The following MCTP1 variants were observed in gnomAD, a reference collection of about 807,000 sequenced individuals.
The protein encoded by MCTP1 is multiple C2 and transmembrane domain-containing protein 1.
MCTP1 carries 69 observed loss-of-function variants against 120.6 expected under a neutral mutation model. The ratio of observed to expected loss-of-function variants is 0.57; its 90% CI spans 0.47 to 0.70. The LOEUF (loss-of-function observed/expected upper bound fraction) is 0.70, where lower values mean the gene tolerates loss of function less well. MCTP1 is among the 30% of genes least tolerant of loss of function. The probability of loss-of-function intolerance (pLI) is 0.00; values close to 1 mark genes in which losing one functional copy is unlikely to be tolerated. For missense variants in MCTP1, 1,203 were observed against 1,248.8 expected (o/e 0.96, Z 0.55); for synonymous variants, 529 against 493.1 (o/e 1.07, Z -0.96).
chr5:95,182,452 G>T (rs1463575678), intron 1 of MCTP1, among the ~76,000 whole-genome samples: 1 of 152,100 alleles, frequency 6.6e-6, no homozygotes, highest in Non-Finnish European at 1.5e-5. Context: ...AATTTTGAAT[G>T]TTTCTAATGT....
intron 13 of MCTP1, among the ~76,000 whole-genome samples, chr5:94,871,645 T>C (rs950197476): frequency 6.6e-6 from 1 of 152,126 alleles, no homozygotes; most frequent in East Asian, 1.9e-4. Context: ...CACCTTGTAA[T>C]TTCAAGTTAT....
chr5:95,042,874 T>C (rs540701308), intron 1 of MCTP1, among the ~76,000 whole-genome samples: 3 of 152,336 alleles, frequency 2.0e-5, no homozygotes, highest in Admixed American at 2.0e-4. Context: ...CCATAATTTA[T>C]TTAATCTGAT....
rs550520718 is a variant in MCTP1, at chr5:95,210,193, A to G, written c.720+73663T>C. Among the ~76,000 whole-genome samples the G allele has an allele frequency of 9.4e-3, 1,427 of 152,188 alleles. 7 individuals carry two copies. The highest frequency in any genetic ancestry group is 0.013 in the Non-Finnish European group (851 of 68,014). On this transcript the variant is annotated intron_variant, in intron 1 of 22. Transcript: ENST00000515393. ...AGTTCTGTAGATGTCTATTAGGTCC[A>G]CTTGGTGCAGAGCTGAGTAAAATTC...
At chr5:95,008,278 A>T (rs1343108438) in intron 2 of MCTP1, among the ~76,000 whole-genome samples, 1 of 152,152 alleles carries the variant, frequency 6.6e-6, no homozygotes, top group Non-Finnish European at 1.5e-5. Context: ...AGACATGCCT[A>T]TTCTTCCCCT....
At position 95,174,145 on chromosome 5, in the gene MCTP1, T is replaced by G. The variant is rs148349768; in HGVS notation, c.720+109711A>C. On this transcript the variant is annotated intron_variant, in intron 1 of 22. Transcript: ENST00000515393. ...ACAATGCCTTGCTAGGGGAGGGGCA[T>G]GATAACTATTTGTTGAATGAATAAA... Among the ~76,000 whole-genome samples, 205 of 152,166 alleles carry G rather than the reference T, an allele frequency of 1.3e-3. 3 individuals carry two copies. In the East Asian group the frequency reaches 0.026, roughly 19 times the overall value.
chr5:94,991,719 CA>C (rs11362950), intron 2 of MCTP1, among the ~76,000 whole-genome samples: 125,783 of 151,442 alleles, frequency 0.83, 52,338 homozygotes, highest in Admixed American at 0.88. Flanking sequence ...ACTAAAAATA[CA>C]AAAAAAATTA....
intron 17 of MCTP1, among the ~76,000 whole-genome samples, chr5:94,850,191 A>G (rs1793369529): frequency 6.6e-6 from 1 of 152,192 alleles, no homozygotes; most frequent in Non-Finnish European, 1.5e-5. Flanking sequence ...CATGATTTTC[A>G]AGATTCCAGG....
intron 2 of MCTP1, among the ~76,000 whole-genome samples, chr5:94,990,755 T>G (rs2153614639): frequency 6.6e-6 from 1 of 152,332 alleles, no homozygotes; most frequent in Admixed American, 6.5e-5. Context: ...TTTAGAATTC[T>G]TATTCCACAA....
intron 19 of MCTP1, among the ~76,000 whole-genome samples, chr5:94,746,682 C>A (rs1766974973): frequency 6.6e-6 from 1 of 152,154 alleles, no homozygotes; most frequent in South Asian, 2.1e-4. Flanking sequence ...GTTTCTTTGT[C>A]TTCTCATGCA....
intron 1 of MCTP1, among the ~76,000 whole-genome samples, chr5:95,138,368 A>G (rs1362962558): frequency 1.3e-5 from 2 of 152,224 alleles, no homozygotes; most frequent in African/African-American, 4.8e-5. Context: ...GTGGAGCTGA[A>G]TAAGAACACA....
At chr5:95,064,312 C>A (rs1358173950) in intron 1 of MCTP1, among the ~76,000 whole-genome samples, 1 of 152,182 alleles carries the variant, frequency 6.6e-6, no homozygotes, top group Non-Finnish European at 1.5e-5. Flanking sequence ...ATCCAGAAAT[C>A]CGTGGAGACT....
intron 9 of MCTP1, among the ~76,000 whole-genome samples, 180 bp downstream of exon 9, chr5:94,912,626 T>G (rs1320674995): frequency 1.3e-5 from 2 of 151,954 alleles, no homozygotes; most frequent in Non-Finnish European, 2.9e-5. Context: ...TTATGGGAGG[T>G]CACCTAGTAC....
Position 94,870,452 on chromosome 5 carries a change from T to C in MCTP1, c.2281A>G (p.Lys761Glu). The C allele has an allele frequency of 6.2e-7, 1 of 1,612,374 alleles. No homozygotes were observed. The change falls in exon 16 of 23, where the codon AAG becomes GAG. Residue 761 changes from lysine (K) to glutamate (E), a missense_variant. Physicochemically the swap from Lys to Glu is moderately conservative, Grantham distance 56. Transcript: ENST00000515393. ...SLRTLIPKEQKYIEEENRLSK... is the reference protein window; with the variant it reads ...SLRTLIPKEQEYIEEENRLSK... ...AGTCTGTTTTCCTCTTCAATGTACT[T>C]CTGTTCTTTGGGTATTAATGTTCGT...
rs193198097 is a variant in MCTP1, at chr5:95,020,931, T to C, written c.721-3447A>G. Among the ~76,000 whole-genome samples, 6 of 152,206 alleles carry C rather than the reference T, an allele frequency of 3.9e-5. 1 individual carries two copies. The highest frequency in any genetic ancestry group is 7.2e-5 in the African/African-American group (3 of 41,572). On this transcript the variant is annotated intron_variant, in intron 1 of 22. Transcript: ENST00000515393. ...GATCTGCTTACTTCTGTGTCAATACTATACCATGTGATTACAATGACTTTA... is the reference window on the plus strand; with the variant it reads ...GATCTGCTTACTTCTGTGTCAATACCATACCATGTGATTACAATGACTTTA...
intron 10 of MCTP1, among the ~76,000 whole-genome samples, chr5:94,902,889 C>T (rs1805875414): frequency 6.6e-6 from 1 of 152,180 alleles, no homozygotes; most frequent in African/African-American, 2.4e-5. Context: ...AGGTAAACTA[C>T]ACACTATACA....
At chr5:95,139,524 T>C (rs1424710384) in intron 1 of MCTP1, among the ~76,000 whole-genome samples, 1 of 152,216 alleles carries the variant, frequency 6.6e-6, no homozygotes, top group African/African-American at 2.4e-5. Flanking sequence ...CCCCTTTTTT[T>C]CCAAAGCTAT....
chr5:95,267,281 A>G (rs1444580412), intron 1 of MCTP1, among the ~76,000 whole-genome samples: 2 of 152,230 alleles, frequency 1.3e-5, no homozygotes, highest in African/African-American at 2.4e-5. Flanking sequence ...AACTTCAGGA[A>G]AGAAGTTTAA....
chr5:94,962,110 C>G (rs145881777), intron 2 of MCTP1, among the ~76,000 whole-genome samples: 1 of 150,544 alleles, frequency 6.6e-6, no homozygotes. Context: ...CTTACTCCTG[C>G]GCAAATGGCT....
rs1773464152 is a variant in MCTP1 at position 94,769,031 on chromosome 5, G to A, written c.2610+10079C>T. On this transcript the variant is annotated intron_variant, in intron 19 of 22. Transcript: ENST00000515393. The stretch of plus-strand genomic sequence containing the variant: ...TGAATAAAGCAAATGTGGTACATAT[G>A]TACCCAATGGAATGCTATTTGGCCA... Among the ~76,000 whole-genome samples the A allele has an allele frequency of 1.3e-5, 2 of 152,088 alleles. 1 individual carries two copies. Among genetic ancestry groups the A allele is most frequent in the South Asian group, 4.1e-4 (2 of 4,820 alleles).
Sources: allele counts gnomAD v4.1 joint callset (sites outside exome capture counted in the v4.1 genomes callset), GRCh38; gene constraint gnomAD v4.1.1; transcripts MANE v1.5; gene names NCBI Gene and HGNC (gene_info 2026-07-23, HGNC 2026-07-21).